The following POTEF variants were observed in gnomAD, a reference collection of about 807,000 sequenced individuals.
POTEF encodes the protein ANKRD26-like family C member 1B.
Under a neutral mutation model 83.2 loss-of-function variants are expected in POTEF, and 20 were observed. The ratio of observed to expected loss-of-function variants is 0.24; its 90% CI spans 0.17 to 0.35. The LOEUF (loss-of-function observed/expected upper bound fraction) is 0.35. Ranked by LOEUF, POTEF falls within the 10% of genes least tolerant of loss-of-function variation. POTEF has a pLI of 1.00. For synonymous variants in POTEF, 196 were observed against 446.4 expected (o/e 0.44, Z 7.07); for missense variants, 550 against 1,203.2 (o/e 0.46, Z 8.03).
At chr2:130,118,375 C>T (rs1684898464) in intron 3 of POTEF, among the ~76,000 whole-genome samples, 1 of 151,902 alleles carries the variant, frequency 6.6e-6, no homozygotes, top group East Asian at 1.9e-4. Context: ...GTACTTTGCC[C>T]AATTTTAAAA....
At chr2:130,127,927 G>A (rs575330013) in intron 1 of POTEF, 63 bp from the exon 2 acceptor site, 2 of 134,062 alleles carry the variant, frequency 1.5e-5, no homozygotes, top group East Asian at 2.1e-4. Flanking sequence ...GCCACTGGGT[G>A]GCAGGGACCA....
chr2:130,125,767 G>A (rs566022169), intron 2 of POTEF, among the ~76,000 whole-genome samples: 19 of 151,888 alleles, frequency 1.3e-4, no homozygotes, highest in Admixed American at 3.3e-4. Flanking sequence ...GTAGCCGGGC[G>A]TGGTGGCAGG....
At position 130,075,574 on chromosome 2, in the gene POTEF, TAAGTA is replaced by T; in HGVS notation, c.1900-7_1900-3del. The T allele has an allele frequency of 6.2e-7, 1 of 1,608,690 alleles. No homozygotes were observed. The highest frequency in any genetic ancestry group is 2.2e-5 in the East Asian group (1 of 44,850). ...TTCTTTCTTACAACTAAGAGAAAGC[TAAGTA>T]AACAAAGAGAACTTTTAGTTAGCAC... On this transcript the variant is annotated splice_region_variant and splice_polypyrimidine_tract_variant and intron_variant, in intron 16 of 16. Coordinates refer to ENST00000409914, the MANE Select transcript of POTEF (RefSeq NM_001099771.2).
chr2:130,075,543 G>T lies in POTEF; in HGVS notation c.1929C>A (p.Asp643Glu), dbSNP rs754374914. The change falls in exon 17 of 17, where the codon GAC becomes GAA. Residue 643 changes from aspartate (D) to glutamate (E), a missense_variant. Asp to Glu is a conservative substitution (Grantham distance 45). Coordinates refer to ENST00000409914, the MANE Select transcript of POTEF (RefSeq NM_001099771.2). ...ELSLSCKKEKDILHENSTLRE... is the reference protein window; with the variant it reads ...ELSLSCKKEKEILHENSTLRE... ...GCAACGTACTATTTTCATGCAAGAT[G>T]TCTTTTTCTTTCTTACAACTAAGAG... is the stretch of plus-strand genomic sequence containing the variant. 2.5e-6 allele frequency: 4 copies of T among 1,610,728 alleles called. No individual in the cohort carries two copies. The East Asian group carries it at 8.9e-5, about 36-fold the overall frequency.
intron 8 of POTEF, among the ~76,000 whole-genome samples, chr2:130,105,439 C>T (rs1428875132): frequency 6.6e-6 from 1 of 151,644 alleles, no homozygotes; most frequent in Non-Finnish European, 1.5e-5. Context: ...CTGACTACTG[C>T]GAAAACTTCC....
At chr2:130,088,769 TA>T (rs1684062400) in intron 12 of POTEF, among the ~76,000 whole-genome samples, 1 of 108,920 alleles carries the variant, frequency 9.2e-6, no homozygotes, top group Admixed American at 9.3e-5. Context: ...TTTGTATTTT[TA>T]GTAGAGATGG....
At chr2:130,119,165 CTTT>C (rs771733018) in intron 3 of POTEF, among the ~76,000 whole-genome samples, 4 of 139,018 alleles carry the variant, frequency 2.9e-5, no homozygotes, top group Non-Finnish European at 1.6e-5. Flanking sequence ...AAGCTCCCAT[CTTT>C]TTTTTTTTTT....
At chr2:130,117,548 GTA>G (rs1164089046) in intron 3 of POTEF, among the ~76,000 whole-genome samples, 2 of 152,016 alleles carry the variant, frequency 1.3e-5, no homozygotes, top group African/African-American at 4.8e-5. Context: ...TTCTGTTCGT[GTA>G]TATGTGTAAC....
chr2:130,101,347 TG>T (rs1684367727), intron 9 of POTEF, among the ~76,000 whole-genome samples: 1 of 149,722 alleles, frequency 6.7e-6, no homozygotes, highest in African/African-American at 2.6e-5. Flanking sequence ...TATATTCTAA[TG>T]TGTACTAATT....
chr2:130,094,954 C>A (rs2599829), intron 11 of POTEF, among the ~76,000 whole-genome samples: 1 of 139,938 alleles, frequency 7.1e-6, no homozygotes, highest in Admixed American at 7.3e-5. Context: ...TAGCTTATTA[C>A]AAAGAGCCAA....
intron 15 of POTEF, among the ~76,000 whole-genome samples, chr2:130,085,054 T>TA (rs1265790638): frequency 1.3e-5 from 1 of 76,422 alleles, no homozygotes; most frequent in Non-Finnish European, 2.5e-5. Flanking sequence ...GATAAGGAAT[T>TA]AGACTAGCTC....
intron 2 of POTEF, among the ~76,000 whole-genome samples, chr2:130,127,256 C>T (rs58027973): frequency 0.62 from 88,650 of 142,986 alleles, 27,232 homozygotes; most frequent in Admixed American, 0.73. Flanking sequence ...ACCCAGGAAG[C>T]AGAGCTTGCA....
At chr2:130,127,324 CA>C (rs57173649) in intron 2 of POTEF, among the ~76,000 whole-genome samples, 168 of 12,438 alleles carry the variant, frequency 0.014, no homozygotes, top group African/African-American at 0.015. Context: ...GACTCTGTCT[CA>C]AAAAAAAAAA....
Position 130,086,011 on chromosome 2 carries a change from A to G in POTEF, c.1597-16T>C. On this transcript the variant is annotated splice_polypyrimidine_tract_variant and intron_variant, in intron 14 of 16. Coordinates refer to ENST00000409914, the MANE Select transcript of POTEF (RefSeq NM_001099771.2). ...AATTTTCTAGCTGGAAAATACAGAG[A>G]ATAAGAAATTATCTACTTTAGGCAC... 1 of 931,106 alleles carries G rather than the reference A, an allele frequency of 1.1e-6. No homozygotes were observed. The highest frequency in any genetic ancestry group is 1.4e-6 in the Non-Finnish European group (1 of 714,406). The allele number at this position is 931,106 out of a possible 1,614,324, so 57.7% of individuals were successfully genotyped here. A position where few individuals can be genotyped will look rare whatever the true frequency, so the allele number is the denominator to read the frequency against.
chr2:130,117,104 A>C (rs1284790525), intron 3 of POTEF, among the ~76,000 whole-genome samples: 1 of 151,640 alleles, frequency 6.6e-6, no homozygotes, highest in Admixed American at 6.6e-5. Flanking sequence ...TACATTTGCA[A>C]TAGTAATAAT....
intron 1 of POTEF, among the ~76,000 whole-genome samples, chr2:130,128,759 C>T (rs929249165): frequency 3.7e-5 from 5 of 133,802 alleles, no homozygotes; most frequent in Admixed American, 1.6e-4. Flanking sequence ...AGCATTGTAG[C>T]TCCAAATAAC....
rs890276669 is a variant in POTEF at position 130,128,277 on chromosome 2, G to A, written c.-249-413C>T. The stretch of plus-strand genomic sequence containing the variant: ...CACAGAGCATGGGGTGTGGGCGGGA[G>A]GTGCAGGCCGGAGAACCGCAGTGGG... On this transcript the variant is annotated intron_variant, in intron 1 of 16. Transcript: ENST00000409914. 7.4e-4 allele frequency among the ~76,000 whole-genome samples: 113 copies of A among 151,694 alleles called. 1 individual carries two copies. The highest frequency in any genetic ancestry group is 2.4e-3 in the African/African-American group (99 of 41,164).
At chr2:130,095,081 G>A in intron 11 of POTEF, among the ~76,000 whole-genome samples, 1 of 73,174 alleles carries the variant, frequency 1.4e-5, no homozygotes, top group Non-Finnish European at 2.7e-5. Flanking sequence ...AGGCTGGAGT[G>A]CAGTGGCACG....
Position 130,074,670 on chromosome 2 carries a change from G to A in POTEF, c.2802C>T (p.Ser934=). The A allele has an allele frequency of 6.3e-7, 1 of 1,589,678 alleles. No homozygotes were observed. Among genetic ancestry groups the A allele is most frequent in the Non-Finnish European group, 8.5e-7 (1 of 1,175,278 alleles). ...EQEMATVASS[S]SLEKSYELPD... ...GCAGCTCGTAGCTCTTCTCTAGGGA[G>A]GAGCTGGAGGCCACCGTGGCCATCT... Residue 934 remains serine, a synonymous_variant, in exon 17 of 17, where the codon TCC becomes TCT. Coordinates refer to ENST00000409914, the MANE Select transcript of POTEF (RefSeq NM_001099771.2).
Sources: gnomAD v4.1 joint callset for allele counts (sites outside exome capture counted in the v4.1 genomes callset) on GRCh38, gnomAD v4.1.1 for gene constraint, MANE v1.5 for transcripts, NCBI Gene and HGNC (gene_info 2026-07-23, HGNC 2026-07-21) for gene names.